Variants in FGFR2 observed in about 807,000 individuals in gnomAD.
The protein encoded by FGFR2 is BEK fibroblast growth factor receptor.
A neutral mutation model predicts 95.9 loss-of-function variants in FGFR2; 19 were observed. The observed-to-expected ratio is 0.20, with a 90% confidence interval of 0.14 to 0.29. The LOEUF is 0.29. FGFR2 is among the 10% of genes least tolerant of loss of function. FGFR2 has a pLI of 1.00. For missense variants in FGFR2, 707 were observed against 1,056.9 expected, an observed-to-expected ratio of 0.67 and a Z score of 4.59; for synonymous variants, 392 against 393.3, an observed-to-expected ratio of 1.00 and a Z score of 0.04.
At chr10:121,490,042 TACACTGATTCTAA>T (rs1370289547) in intron 13 of FGFR2, among the ~76,000 whole-genome samples, 5 of 152,010 alleles carry the variant, frequency 3.3e-5, no homozygotes, top group African/African-American at 7.2e-5. Flanking sequence ...ATGTGCCACA[TACACTGATTCTAA>T]ACACTGAAAT....
intron 4 of FGFR2, among the ~76,000 whole-genome samples, chr10:121,563,822 T>C (rs1276380475): frequency 6.6e-6 from 1 of 152,208 alleles, no homozygotes; most frequent in African/African-American, 2.4e-5. Context: ...GCCTCTCCCA[T>C]GTTAGCGCTC....
At position 121,501,013 on chromosome 10, in the gene FGFR2, G is replaced by A. The variant is rs930666737; in HGVS notation, c.1440-66C>T. The A allele has an allele frequency of 1.9e-6, 3 of 1,604,170 alleles. No homozygotes were observed. The African/African-American group carries it at 4.0e-5, about 21-fold the overall frequency. On this transcript the variant is annotated intron_variant, in intron 10 of 17. Coordinates refer to ENST00000358487, the MANE Select transcript of FGFR2 (RefSeq NM_000141.5). ...ATGGGGTGTAGTGAGGGAAATTCCA[G>A]AACTAAATATAAAAATCTTTCAGCG...
chr10:121,526,240 C>A (rs1368261696), intron 6 of FGFR2: 1 of 398,468 alleles, frequency 2.5e-6, no homozygotes, highest in Non-Finnish European at 4.4e-6. Context: ...CAAGTGAAAA[C>A]AACTGAGAAT....
chr10:121,576,267 G>A (rs1032861481), intron 2 of FGFR2, among the ~76,000 whole-genome samples: 11 of 152,162 alleles, frequency 7.2e-5, no homozygotes, highest in East Asian at 1.9e-4. Context: ...ATCATGTAGC[G>A]CCCAGGAAAT....
rs1844331385 is a variant in FGFR2 at position 121,478,882 on chromosome 10, A to G, written c.*975T>C. 1 of 233,484 alleles carries G rather than the reference A, an allele frequency of 4.3e-6. No homozygotes were observed. Among genetic ancestry groups the G allele is most frequent in the African/African-American group, 2.2e-5 (1 of 45,348 alleles). 14.5% of individuals were successfully genotyped at this position (233,484 alleles called of 1,614,324 possible). On this transcript the variant is annotated 3_prime_UTR_variant, in exon 18 of 18. Transcript: ENST00000358487. The stretch of plus-strand genomic sequence containing the variant: ...CTGTCCTCAAGGAATGGATTAAGGC[A>G]TCTTTTAAGAGGACGCTGGTACCAT...
At chr10:121,564,889 G>T (rs1857450389) in intron 3 of FGFR2, among the ~76,000 whole-genome samples, 1 of 152,198 alleles carries the variant, frequency 6.6e-6, no homozygotes, top group African/African-American at 2.4e-5. Context: ...TACCAATTGT[G>T]TAGCACCCAA....
intron 9 of FGFR2, among the ~76,000 whole-genome samples, chr10:121,507,806 A>G (rs1006166671): frequency 1.3e-5 from 2 of 152,188 alleles, no homozygotes; most frequent in African/African-American, 2.4e-5. Context: ...TCTCTGGGTA[A>G]CTTGGAGCGT....
At chr10:121,571,526 C>A (rs896745346) in intron 2 of FGFR2, among the ~76,000 whole-genome samples, 6 of 151,456 alleles carry the variant, frequency 4.0e-5, no homozygotes. Context: ...AGCCCAGTCT[C>A]AAACTCCTCA....
intron 9 of FGFR2, among the ~76,000 whole-genome samples, chr10:121,504,376 C>G (rs1026724367): frequency 6.6e-6 from 1 of 152,122 alleles, no homozygotes; most frequent in African/African-American, 2.4e-5. Flanking sequence ...TGAAATTCTA[C>G]GAAAACTTTT....
At chr10:121,591,658 A>G (rs77349241) in intron 2 of FGFR2, among the ~76,000 whole-genome samples, 1 of 152,274 alleles carries the variant, frequency 6.6e-6, no homozygotes, top group East Asian at 1.9e-4. Flanking sequence ...ACCTTCCTCT[A>G]AGACATCTTT....
chr10:121,589,990 C>T (rs1287588885), intron 2 of FGFR2, among the ~76,000 whole-genome samples: 3 of 152,190 alleles, frequency 2.0e-5, no homozygotes, highest in African/African-American at 7.2e-5. Flanking sequence ...ATTTACAATA[C>T]TTCTAACAAA....
chr10:121,510,332 G>A (rs1490653380), intron 9 of FGFR2, among the ~76,000 whole-genome samples: 2 of 152,310 alleles, frequency 1.3e-5, no homozygotes, highest in South Asian at 2.1e-4. Context: ...CAGATCTTGG[G>A]CAAACTGTCA....
chr10:121,547,324 C>T (rs1237644400), intron 5 of FGFR2, among the ~76,000 whole-genome samples: 1 of 152,044 alleles, frequency 6.6e-6, no homozygotes, highest in Non-Finnish European at 1.5e-5. Flanking sequence ...GGTCTCTTTG[C>T]TTTTGAGGAA....
intron 2 of FGFR2, among the ~76,000 whole-genome samples, chr10:121,571,608 CA>C (rs1190610921): frequency 6.6e-6 from 1 of 150,858 alleles, no homozygotes; most frequent in Non-Finnish European, 1.5e-5. Context: ...CACCTGGCCA[CA>C]AGCAGCTTCT....
chr10:121,566,547 T>C (rs990595515), intron 2 of FGFR2, among the ~76,000 whole-genome samples: 1 of 151,996 alleles, frequency 6.6e-6, no homozygotes, highest in Admixed American at 6.6e-5. Context: ...GGGACAGTCC[T>C]TCCTCCCTCT....
At chr10:121,570,078 A>T (rs569589742) in intron 2 of FGFR2, among the ~76,000 whole-genome samples, 47 of 152,258 alleles carry the variant, frequency 3.1e-4, no homozygotes, top group African/African-American at 1.1e-3. Context: ...TGGCCCCCCA[A>T]GCCCAGCCTG....
At chr10:121,551,686 A>AAAAAGT (rs1855436014) in intron 4 of FGFR2, among the ~76,000 whole-genome samples, 1 of 152,200 alleles carries the variant, frequency 6.6e-6, no homozygotes, top group South Asian at 2.1e-4. Context: ...AAGAAAAAAA[A>AAAAAGT]AAAAGTGTTT....
intron 16 of FGFR2, among the ~76,000 whole-genome samples, chr10:121,484,520 G>A (rs1214439931): frequency 6.6e-6 from 1 of 152,164 alleles, no homozygotes; most frequent in African/African-American, 2.4e-5. Context: ...ACGGTACACC[G>A]AAAAGCACTC....
chr10:121,576,140 T>A (rs900024254), intron 2 of FGFR2, among the ~76,000 whole-genome samples: 8 of 152,102 alleles, frequency 5.3e-5, no homozygotes, highest in Non-Finnish European at 7.4e-5. Flanking sequence ...TGAGCCGAGA[T>A]CACGCCACTG....
Sources: gnomAD v4.1 joint callset for allele counts (sites outside exome capture counted in the v4.1 genomes callset) on GRCh38, gnomAD v4.1.1 for gene constraint, MANE v1.5 for transcripts, NCBI Gene and HGNC (gene_info 2026-07-23, HGNC 2026-07-21) for gene names.